The following AGPS variants were observed in gnomAD, a reference collection of about 807,000 sequenced individuals.
AGPS encodes alkylglycerone phosphate synthase, also known as alkyldihydroxyacetonephosphate synthase, peroxisomal.
AGPS carries 26 observed loss-of-function variants against 90.7 expected under a neutral mutation model. The observed-to-expected ratio is 0.29, with a 90% CI of 0.21 to 0.40. The LOEUF (loss-of-function observed/expected upper bound fraction) is 0.40. AGPS is among the 10% of genes least tolerant of loss of function. AGPS has a pLI of 1.00. For missense variants in AGPS, 540 were observed against 816.1 expected (o/e 0.66, Z 4.12); for synonymous variants, 294 against 285.3 (o/e 1.03, Z -0.31).
At chr2:177,400,272 C>T (rs1434094776) in intron 1 of AGPS, among the ~76,000 whole-genome samples, 9 of 152,084 alleles carry the variant, frequency 5.9e-5, no homozygotes, top group South Asian at 2.1e-4. Flanking sequence ...ATATTATTTA[C>T]GAGCTTATAA....
At chr2:177,393,173 A>C in intron 1 of AGPS, 124 bp downstream of exon 1, 1 of 1,545,956 alleles carries the variant, frequency 6.5e-7, no homozygotes, top group Non-Finnish European at 8.7e-7. Context: ...CGGTCCCTGA[A>C]AGTAGGGACC....
intron 1 of AGPS, among the ~76,000 whole-genome samples, chr2:177,413,735 A>G (rs1346101083): frequency 1.3e-5 from 2 of 152,226 alleles, no homozygotes; most frequent in South Asian, 2.1e-4. Context: ...GGTAAAGGGT[A>G]GGATGGTTGT....
chr2:177,506,987 G>C (rs981225159), intron 15 of AGPS, among the ~76,000 whole-genome samples: 2 of 151,912 alleles, frequency 1.3e-5, no homozygotes, highest in African/African-American at 4.8e-5. Flanking sequence ...TAATTTTTAA[G>C]GTTCTAGTTA....
At chr2:177,404,242 C>A (rs1281933087) in intron 1 of AGPS, among the ~76,000 whole-genome samples, 1 of 152,076 alleles carries the variant, frequency 6.6e-6, no homozygotes. Context: ...CACAGGGAGC[C>A]TAAGGAATAG....
At chr2:177,398,128 A>G (rs553660402) in intron 1 of AGPS, among the ~76,000 whole-genome samples, 1 of 152,230 alleles carries the variant, frequency 6.6e-6, no homozygotes, top group Non-Finnish European at 1.5e-5. Context: ...ACCTCTTGTA[A>G]ATATTTCCCA....
chr2:177,448,035 T>C (rs1686827684), intron 8 of AGPS, among the ~76,000 whole-genome samples: 1 of 152,192 alleles, frequency 6.6e-6, no homozygotes, highest in South Asian at 2.1e-4. Context: ...TATTAAATCT[T>C]TGGCTACTTT....
chr2:177,499,528 A>G lies in AGPS; in HGVS notation c.1363-90A>G. ...TTAAGAAATCAGTGTATTTGAGCCC[A>G]GATCAGAAGGAAAAGAGCAAAATGT... On this transcript the variant is annotated intron_variant, in intron 13 of 19. Coordinates refer to ENST00000264167, the MANE Select transcript of AGPS (RefSeq NM_003659.4). 3 of 817,886 alleles carry G rather than the reference A, an allele frequency of 3.7e-6. No homozygotes were observed. In the Admixed American group the frequency reaches 6.5e-5, roughly 18 times the overall value. The allele number at this position is 817,886 out of a possible 1,614,324, so 50.7% of individuals were successfully genotyped here. A position where few individuals can be genotyped will look rare whatever the true frequency, so the allele number is the denominator to read the frequency against.
Position 177,393,034 on chromosome 2 carries a change from C to T in AGPS, c.245C>T (p.Thr82Ile). 1 of 1,550,366 alleles carries T rather than the reference C, an allele frequency of 6.5e-7. No homozygotes were observed. The highest frequency in any genetic ancestry group is 8.7e-7 in the Non-Finnish European group (1 of 1,146,802). ...ACTCCCGCCGCGCAGGAGTCGGGCA[C>T]CATCCCAAAGAAGCGGTGAGTAGCG... ...TATPAAQESG[T>I]IPKKRQEVMK... Residue 82 changes from threonine (T) to isoleucine (I), a missense_variant, in exon 1 of 20, where the codon ACC becomes ATC. This residue lies in a region of AGPS where 135 missense variants were observed against 124.0 expected (regional missense o/e 1.09). Coordinates refer to ENST00000264167, the MANE Select transcript of AGPS (RefSeq NM_003659.4).
At chr2:177,523,665 C>T (rs1161816112) in intron 18 of AGPS, 83 bp from the exon 19 acceptor site, 1 of 1,158,074 alleles carries the variant, frequency 8.6e-7, no homozygotes, top group Non-Finnish European at 1.3e-6. Flanking sequence ...AAACATGTGC[C>T]TTCTTTGGGA....
intron 14 of AGPS, 126 bp from the exon 15 acceptor site, chr2:177,505,380 C>T (rs1688679885): frequency 1.2e-6 from 1 of 827,506 alleles, no homozygotes; most frequent in African/African-American, 1.7e-5. Flanking sequence ...TAAGATGAAA[C>T]AGAAATATTA....
chr2:177,528,962 T>G (rs1367877649), intron 19 of AGPS, among the ~76,000 whole-genome samples: 1 of 150,412 alleles, frequency 6.6e-6, no homozygotes, highest in East Asian at 2.0e-4. Context: ...TTCAAGCTAT[T>G]CTCCTGCCTC....
intron 11 of AGPS, 31 bp downstream of exon 11, chr2:177,482,217 A>T: frequency 8.4e-7 from 1 of 1,191,674 alleles, no homozygotes; most frequent in Non-Finnish European, 1.2e-6. Context: ...ATATACATAC[A>T]TACATATATG....
chr2:177,512,352 TTTAAC>T (rs1316328936), intron 16 of AGPS, among the ~76,000 whole-genome samples: 1 of 152,002 alleles, frequency 6.6e-6, no homozygotes, highest in East Asian at 1.9e-4. Context: ...AATTAAAGAA[TTTAAC>T]TTAAGAACAT....
At chr2:177,511,922 A>T (rs947508526) in intron 16 of AGPS, among the ~76,000 whole-genome samples, 1 of 152,192 alleles carries the variant, frequency 6.6e-6, no homozygotes, top group Admixed American at 6.5e-5. Context: ...CCTGTTTACT[A>T]TTGTATTTAA....
intron 7 of AGPS, among the ~76,000 whole-genome samples, chr2:177,444,950 G>C (rs1686725291): frequency 6.6e-6 from 1 of 152,166 alleles, no homozygotes; most frequent in Non-Finnish European, 1.5e-5. Context: ...TTGAGCCCGA[G>C]GCAGGGATTT....
chr2:177,507,042 T>C (rs112656708), intron 15 of AGPS, among the ~76,000 whole-genome samples: 1 of 138,432 alleles, frequency 7.2e-6, no homozygotes, highest in Non-Finnish European at 1.7e-5. Context: ...CCGCCCCCCC[T>C]ACCCCGGGAT....
chr2:177,409,056 T>C (rs555901624), intron 1 of AGPS, among the ~76,000 whole-genome samples: 88 of 152,304 alleles, frequency 5.8e-4, no homozygotes, highest in African/African-American at 1.9e-3. Flanking sequence ...TTTTAATGCT[T>C]TCTTCTCTTC....
intron 19 of AGPS, among the ~76,000 whole-genome samples, chr2:177,533,330 T>G (rs1182561073): frequency 6.6e-6 from 1 of 152,168 alleles, no homozygotes; most frequent in African/African-American, 2.4e-5. Context: ...TAAACAGATT[T>G]GAGAGCTGAC....
At chr2:177,406,258 A>G (rs1247686632) in intron 1 of AGPS, among the ~76,000 whole-genome samples, 1 of 152,188 alleles carries the variant, frequency 6.6e-6, no homozygotes, top group Non-Finnish European at 1.5e-5. Flanking sequence ...TTCTATTACC[A>G]GACCAATCTT....
Sources: allele counts gnomAD v4.1 joint callset (sites outside exome capture counted in the v4.1 genomes callset), GRCh38; gene constraint gnomAD v4.1.1; regional missense constraint gnomAD v4.1.1; transcripts MANE v1.5; gene names NCBI Gene and HGNC (gene_info 2026-07-23, HGNC 2026-07-21).